KIRREL1: variants seen among roughly 807,000 people sequenced by gnomAD.
The protein encoded by KIRREL1 is kin of IRRE-like protein 1.
A neutral mutation model predicts 83.3 loss-of-function variants in KIRREL1; 25 were observed. The observed-to-expected ratio is 0.30, with a 90% CI of 0.22 to 0.42. The LOEUF (loss-of-function observed/expected upper bound fraction) is 0.42. Among genes scored for constraint, KIRREL1 ranks in the 10% least tolerant of loss-of-function variants. The probability of loss-of-function intolerance (pLI) is 1.00; values close to 1 mark genes in which losing one functional copy is unlikely to be tolerated. For missense variants in KIRREL1, 812 were observed against 1,032.3 expected (o/e 0.79, Z 2.92); for synonymous variants, 388 against 410.4 (o/e 0.95, Z 0.66).
At chr1:158,034,994 G>GTT (rs112742105) in intron 1 of KIRREL1, among the ~76,000 whole-genome samples, 5,514 of 152,024 alleles carry the variant, frequency 0.036, 296 homozygotes, top group African/African-American at 0.12. Context: ...CTGGTTGTGT[G>GTT]TGTGTTCATG....
chr1:158,029,372 TGC>T (rs1553238128), intron 1 of KIRREL1, among the ~76,000 whole-genome samples: 3 of 149,396 alleles, frequency 2.0e-5, no homozygotes, highest in South Asian at 2.1e-4. Context: ...TGTGTGCACG[TGC>T]GCGCGCATGC....
At chr1:158,014,173 G>A (rs1659761537) in intron 1 of KIRREL1, among the ~76,000 whole-genome samples, 1 of 151,912 alleles carries the variant, frequency 6.6e-6, no homozygotes, top group African/African-American at 2.4e-5. Flanking sequence ...GAAGGTAAAG[G>A]GAAGGGGGAG....
At position 158,099,795 on chromosome 1, in the gene KIRREL1, A is replaced by G. The variant is rs1164101091; in HGVS notation, c.*4675A>G. On this transcript the variant is annotated 3_prime_UTR_variant, in exon 15 of 15. Coordinates refer to ENST00000359209, the MANE Select transcript of KIRREL1 (RefSeq NM_018240.7). ...TCTGTTTGCTTTTGGAGCTCTTCAG[A>G]TGCTGTCCCCCCTGAGAATACCCTA... is the stretch of plus-strand genomic sequence containing the variant. The G allele has an allele frequency of 2.0e-5, 3 of 152,102 alleles. No individual in the cohort carries two copies. In the South Asian group the frequency reaches 6.2e-4, roughly 32 times the overall value. 9.4% of individuals were successfully genotyped at this position (152,102 alleles called of 1,614,324 possible).
chr1:158,019,897 T>A (rs1224352535), intron 1 of KIRREL1, among the ~76,000 whole-genome samples: 1 of 152,134 alleles, frequency 6.6e-6, no homozygotes, highest in Non-Finnish European at 1.5e-5. Context: ...AAGTCCCAAG[T>A]CTGGGAATCC....
intron 1 of KIRREL1, among the ~76,000 whole-genome samples, chr1:158,069,710 G>T (rs2101616958): frequency 6.6e-6 from 1 of 152,276 alleles, no homozygotes; most frequent in Admixed American, 6.5e-5. Flanking sequence ...GCATTCCAAG[G>T]GAGCCAGTGG....
chr1:158,090,310 C>G (rs1662156930), intron 10 of KIRREL1, among the ~76,000 whole-genome samples: 1 of 152,110 alleles, frequency 6.6e-6, no homozygotes, highest in South Asian at 2.1e-4. Flanking sequence ...ACCTGCCTGG[C>G]CCACTCTTCT....
chr1:158,069,345 A>T (rs75416677), intron 1 of KIRREL1, among the ~76,000 whole-genome samples: 32,969 of 135,806 alleles, frequency 0.24, 3,997 homozygotes, highest in Non-Finnish European at 0.29. Flanking sequence ...TGTGTGTGTG[A>T]ATCTAAGCAT....
intron 1 of KIRREL1, among the ~76,000 whole-genome samples, chr1:158,040,110 A>G (rs1361935462): frequency 2.0e-5 from 3 of 152,142 alleles, no homozygotes; most frequent in African/African-American, 7.2e-5. Flanking sequence ...ATTATTGCTC[A>G]TGTCTAGGGG....
chr1:158,049,287 G>A (rs1660853816), intron 1 of KIRREL1, among the ~76,000 whole-genome samples: 1 of 152,238 alleles, frequency 6.6e-6, no homozygotes, highest in South Asian at 2.1e-4. Flanking sequence ...GGATGCACAA[G>A]TACTATGGGA....
At chr1:158,062,330 C>G (rs1289874829) in intron 1 of KIRREL1, among the ~76,000 whole-genome samples, 1 of 152,234 alleles carries the variant, frequency 6.6e-6, no homozygotes, top group Non-Finnish European at 1.5e-5. Context: ...CATATTGAGA[C>G]CTGCTCCTAC....
intron 1 of KIRREL1, among the ~76,000 whole-genome samples, chr1:158,055,802 A>T (rs1047154284): frequency 6.6e-6 from 1 of 152,214 alleles, no homozygotes; most frequent in Non-Finnish European, 1.5e-5. Flanking sequence ...AAATCGGTTC[A>T]TCTGTTCCCC....
At chr1:158,035,118 T>A (rs145792194) in intron 1 of KIRREL1, among the ~76,000 whole-genome samples, 17 of 152,362 alleles carry the variant, frequency 1.1e-4, no homozygotes, top group African/African-American at 4.1e-4. Flanking sequence ...AAGCAGGAAC[T>A]GGTAGGAGCC....
chr1:158,052,545 C>A (rs1660936381), intron 1 of KIRREL1, among the ~76,000 whole-genome samples: 1 of 151,324 alleles, frequency 6.6e-6, no homozygotes, highest in African/African-American at 2.4e-5. Context: ...TTTGGGAGGC[C>A]AAGGCAGGTG....
At chr1:158,045,471 A>G (rs1660754195) in intron 1 of KIRREL1, among the ~76,000 whole-genome samples, 1 of 152,226 alleles carries the variant, frequency 6.6e-6, no homozygotes, top group South Asian at 2.1e-4. Context: ...AGGACTCAGG[A>G]AAGTGCTATA....
intron 1 of KIRREL1, among the ~76,000 whole-genome samples, chr1:158,023,237 C>T (rs892623463): frequency 6.6e-6 from 1 of 152,132 alleles, no homozygotes; most frequent in African/African-American, 2.4e-5. Context: ...TGGGCCATGC[C>T]TTATCATTCT....
intron 1 of KIRREL1, among the ~76,000 whole-genome samples, chr1:158,014,098 G>A (rs772768962): frequency 6.6e-6 from 1 of 152,012 alleles, no homozygotes; most frequent in Admixed American, 6.6e-5. Context: ...GGTGGAAGGA[G>A]GAAATGAGAG....
intron 1 of KIRREL1, among the ~76,000 whole-genome samples, chr1:158,011,944 T>A (rs1357559417): frequency 6.6e-6 from 1 of 152,112 alleles, no homozygotes; most frequent in East Asian, 1.9e-4. Context: ...GCTCTCAGTT[T>A]CTTTCTCCAT....
intron 1 of KIRREL1, among the ~76,000 whole-genome samples, chr1:158,008,804 C>T (rs753532981): frequency 4.6e-5 from 7 of 152,084 alleles, no homozygotes; most frequent in Non-Finnish European, 7.4e-5. Context: ...GTCATTTGTT[C>T]GAGTCACAAC....
intron 1 of KIRREL1, among the ~76,000 whole-genome samples, chr1:158,051,462 C>T (rs1427278223): frequency 6.6e-6 from 1 of 152,178 alleles, no homozygotes; most frequent in Non-Finnish European, 1.5e-5. Context: ...TTTTAAAATA[C>T]TTGCTACATA....
Sources: allele counts gnomAD v4.1 joint callset (sites outside exome capture counted in the v4.1 genomes callset), GRCh38; gene constraint gnomAD v4.1.1; transcripts MANE v1.5; gene names NCBI Gene and HGNC (gene_info 2026-07-23, HGNC 2026-07-21).